CCDC146: variants seen among roughly 807,000 people sequenced by gnomAD.
CCDC146 encodes coiled-coil domain containing 146.
CCDC146 carries 92 observed loss-of-function variants against 119.3 expected under a neutral mutation model. The observed-to-expected ratio is 0.77, with a 90% CI of 0.65 to 0.92. The LOEUF (loss-of-function observed/expected upper bound fraction) is 0.92, where lower values mean the gene tolerates loss of function less well. Among genes scored for constraint, CCDC146 ranks in the 40% least tolerant of loss-of-function variants. The pLI is 0.00. For missense variants in CCDC146, 1,000 were observed against 1,103.0 expected, an observed-to-expected ratio of 0.91 and a Z score of 1.32; for synonymous variants, 372 against 371.8, an observed-to-expected ratio of 1.00 and a Z score of -0.01.
chr7:77,138,538 TC>T (rs35713178), intron 1 of CCDC146, among the ~76,000 whole-genome samples: 7,359 of 152,184 alleles, frequency 0.048, 264 homozygotes, highest in Non-Finnish European at 0.077. Context: ...AAGCTGAACT[TC>T]ACTGAAATTT....
At chr7:77,143,314 T>G (rs1245272310) in intron 1 of CCDC146, among the ~76,000 whole-genome samples, 2 of 151,882 alleles carry the variant, frequency 1.3e-5, no homozygotes, top group Non-Finnish European at 2.9e-5. Context: ...TTCTGGATAT[T>G]AGCCCTTTGT....
At chr7:77,210,531 C>G (rs988747304) in intron 2 of CCDC146, among the ~76,000 whole-genome samples, 1 of 152,236 alleles carries the variant, frequency 6.6e-6, no homozygotes, top group African/African-American at 2.4e-5. Flanking sequence ...TTCCTATCTT[C>G]TTCTAAACCC....
intron 11 of CCDC146, among the ~76,000 whole-genome samples, chr7:77,276,405 A>G (rs149509538): frequency 1.6e-4 from 24 of 152,256 alleles, no homozygotes; most frequent in African/African-American, 5.8e-4. Flanking sequence ...AAAAGAGAAG[A>G]TCTACATTGC....
At chr7:77,278,435 A>ATTTTTTTT (rs140968354) in intron 11 of CCDC146, among the ~76,000 whole-genome samples, 2 of 103,342 alleles carry the variant, frequency 1.9e-5, no homozygotes, top group African/African-American at 4.3e-5. Flanking sequence ...CCAAGAAATA[A>ATTTTTTTT]TTTTTTTTTT....
chr7:77,259,281 G>C (rs985553719), intron 7 of CCDC146: 1 of 439,220 alleles, frequency 2.3e-6, no homozygotes, highest in African/African-American at 2.0e-5. Flanking sequence ...TTAATTATGG[G>C]TCAAGATTCT....
chr7:77,252,138 G>C (rs1365948672), intron 4 of CCDC146, among the ~76,000 whole-genome samples: 7 of 152,124 alleles, frequency 4.6e-5, no homozygotes, highest in Non-Finnish European at 2.9e-5. Flanking sequence ...AACAGAGCGA[G>C]ACTCCATCTC....
intron 15 of CCDC146, among the ~76,000 whole-genome samples, chr7:77,284,432 G>T (rs1031787958): frequency 1.3e-5 from 2 of 151,718 alleles, no homozygotes; most frequent in Non-Finnish European, 2.9e-5. Context: ...TTTTACAGAA[G>T]AATTTGTCTC....
chr7:77,255,893 C>G (rs955666301), intron 5 of CCDC146, among the ~76,000 whole-genome samples: 1 of 152,146 alleles, frequency 6.6e-6, no homozygotes, highest in Non-Finnish European at 1.5e-5. Flanking sequence ...ACACCTTTGT[C>G]TTTAGTTCCC....
chr7:77,294,819 A>G lies in CCDC146; in HGVS notation c.2821A>G (p.Asn941Asp). The change falls in exon 19 of 19, where the codon AAT becomes GAT. Residue 941 changes from asparagine to aspartate, a missense_variant. Physicochemically the swap from Asn to Asp is conservative, Grantham distance 23. Coordinates refer to ENST00000285871, the MANE Select transcript of CCDC146 (RefSeq NM_020879.3). ...TTTTAAACCCAGTGAACCTGGAGCCAATATGAGGCACATAAGGAAACCTGT... is the reference window on the plus strand; with the variant it reads ...TTTTAAACCCAGTGAACCTGGAGCCGATATGAGGCACATAAGGAAACCTGT... ...APFKPSEPGANMRHIRKPVIK... is the reference protein window; with the variant it reads ...APFKPSEPGADMRHIRKPVIK... 6.2e-7 allele frequency: 1 copy of G among 1,614,186 alleles called. No individual in the cohort carries two copies. Among genetic ancestry groups the G allele is most frequent in the Non-Finnish European group, 8.5e-7 (1 of 1,180,030 alleles).
At chr7:77,244,824 T>C (rs957526985) in intron 4 of CCDC146, among the ~76,000 whole-genome samples, 1 of 152,088 alleles carries the variant, frequency 6.6e-6, no homozygotes, top group East Asian at 1.9e-4. Context: ...AAAAAGTAGA[T>C]ATTTCCATCC....
intron 9 of CCDC146, among the ~76,000 whole-genome samples, chr7:77,272,318 A>C (rs916741900): frequency 6.6e-6 from 1 of 152,152 alleles, no homozygotes. Flanking sequence ...AGGGTAGGAG[A>C]CCCAATGGAA....
intron 9 of CCDC146, 121 bp downstream of exon 9, chr7:77,262,428 G>A: frequency 1.4e-6 from 1 of 739,246 alleles, no homozygotes; most frequent in African/African-American, 1.8e-5. Context: ...ACAGAGAAAA[G>A]GTAATTTTCA....
chr7:77,251,455 C>T (rs975210871), intron 4 of CCDC146, among the ~76,000 whole-genome samples: 1 of 152,208 alleles, frequency 6.6e-6, no homozygotes, highest in Non-Finnish European at 1.5e-5. Context: ...ATTCACACAT[C>T]CCTGCCATAT....
At chr7:77,260,774 G>A (rs1056253829) in intron 8 of CCDC146, among the ~76,000 whole-genome samples, 15 of 129,708 alleles carry the variant, frequency 1.2e-4, no homozygotes, top group Admixed American at 7.6e-4. Flanking sequence ...CTACATGTGC[G>A]CACCACCACG....
chr7:77,140,705 C>T (rs1311346130), intron 1 of CCDC146, among the ~76,000 whole-genome samples: 5 of 152,076 alleles, frequency 3.3e-5, no homozygotes, highest in African/African-American at 9.7e-5. Flanking sequence ...AAGTATAAAA[C>T]ATTACTGAGA....
intron 2 of CCDC146, among the ~76,000 whole-genome samples, chr7:77,222,187 C>A (rs1340347559): frequency 2.0e-5 from 3 of 152,174 alleles, no homozygotes. Flanking sequence ...TTTATGGTAT[C>A]AGTGGGGAAG....
At chr7:77,144,063 C>T (rs937120411) in intron 1 of CCDC146, among the ~76,000 whole-genome samples, 13 of 151,722 alleles carry the variant, frequency 8.6e-5, no homozygotes, top group Admixed American at 8.5e-4. Context: ...GAATGTTATT[C>T]CATTTGTTTG....
At chr7:77,161,677 A>T (rs907024574) in intron 1 of CCDC146, among the ~76,000 whole-genome samples, 4 of 150,690 alleles carry the variant, frequency 2.7e-5, no homozygotes, top group South Asian at 2.1e-4. Flanking sequence ...TAGGAGATAT[A>T]CCTAATGCTA....
intron 2 of CCDC146, among the ~76,000 whole-genome samples, chr7:77,191,590 C>G (rs1031386010): frequency 5.9e-5 from 9 of 152,164 alleles, no homozygotes; most frequent in Non-Finnish European, 1.2e-4. Flanking sequence ...CACCTACTGT[C>G]ATCAGAGAAC....
Sources: allele counts gnomAD v4.1 joint callset (sites outside exome capture counted in the v4.1 genomes callset), GRCh38; gene constraint gnomAD v4.1.1; transcripts MANE v1.5; gene names NCBI Gene and HGNC (gene_info 2026-07-23, HGNC 2026-07-21).